Variants in LINGO3 observed in about 807,000 individuals in gnomAD.
LINGO3 encodes the protein leucine rich repeat and Ig domain containing 3, also known as leucine-rich repeat and immunoglobulin-like domain-containing nogo receptor-interacting protein 3.
For missense variants in LINGO3, 750 were observed against 867.7 expected, an observed-to-expected ratio of 0.86 and a Z score of 1.70; for synonymous variants, 427 against 444.2, an observed-to-expected ratio of 0.96 and a Z score of 0.49.
At chr19:2,299,300 G>A in the LINGO3 span, among the ~76,000 whole-genome samples, 1 of 152,190 alleles carries the variant, frequency 6.6e-6, no homozygotes, top group Non-Finnish European at 1.5e-5. Context: ...TCCCCAACTT[G>A]GGAGGAAGAA....
downstream of LINGO3, chr19:2,289,740 G>GCCCCCCCCCC: frequency 5.3e-6 from 1 of 189,610 alleles, no homozygotes; most frequent in East Asian, 1.2e-4. Context: ...CTTGCAGCCC[G>GCCCCCCCCCC]CACCCCCACC....
chr19:2,305,604 AG>A, the LINGO3 span, among the ~76,000 whole-genome samples: 1 of 152,154 alleles, frequency 6.6e-6, no homozygotes, highest in East Asian at 1.9e-4. Flanking sequence ...GTCCCCGCCC[AG>A]GGCAAGGGAT....
chr19:2,305,168 G>C, the LINGO3 span, among the ~76,000 whole-genome samples: 1 of 152,144 alleles, frequency 6.6e-6, no homozygotes, highest in East Asian at 1.9e-4. Flanking sequence ...AGGCCTCCCG[G>C]ATCTGTGCAC....
downstream of LINGO3, among the ~76,000 whole-genome samples, chr19:2,288,033 G>C (rs1292094982): frequency 6.6e-6 from 1 of 152,206 alleles, no homozygotes; most frequent in Non-Finnish European, 1.5e-5. The surrounding 1 kb of genome is among the most constrained non-coding windows in gnomAD (Gnocchi z 6.5). Context: ...GGTCACAGAT[G>C]GTCCCTGTGG....
chr19:2,302,023 C>T, the LINGO3 span, among the ~76,000 whole-genome samples: 1 of 149,352 alleles, frequency 6.7e-6, no homozygotes, highest in Non-Finnish European at 1.5e-5. Context: ...GCCAGAAAGT[C>T]CCTGTTCTTT....
chr19:2,296,382 A>G (rs975819121), upstream of LINGO3, among the ~76,000 whole-genome samples: 3 of 152,178 alleles, frequency 2.0e-5, no homozygotes, highest in African/African-American at 7.2e-5. Flanking sequence ...TGGGAGGCCA[A>G]GGCGGGGGGA....
chr19:2,290,757 C>G lies in LINGO3; in HGVS notation c.1020G>C (p.Ser340=). ...CGCGCAGCGTCTCTAGCGTGTTCAC[C>G]GAGTGGAAGGTGCTCTCCTCCAACG... The change falls in exon 1 of 1, where the codon TCG becomes TCC. Residue 340 remains serine (S), a synonymous_variant. Coordinates refer to ENST00000585527, the Ensembl canonical transcript of LINGO3. The surrounding 1 kb of genome is among the most constrained non-coding windows in gnomAD (Gnocchi z 6.0). 1 of 1,612,886 alleles carries G rather than the reference C, an allele frequency of 6.2e-7. No individual in the cohort carries two copies. Among genetic ancestry groups the G allele is most frequent in the Non-Finnish European group, 8.5e-7 (1 of 1,179,634 alleles).
chr19:2,293,674 C>T (rs1000338618), upstream of LINGO3, among the ~76,000 whole-genome samples: 19 of 150,952 alleles, frequency 1.3e-4, no homozygotes, highest in Non-Finnish European at 5.9e-5. Context: ...GATCTCATTT[C>T]TATGAAATGT....
In LINGO3 at chr19:2,290,045, C is replaced by T. The variant is rs1285962827; in HGVS notation, c.1732G>A (p.Ala578Thr). ...TTGCGCGCGCCTCCCTGGCCCGCCG[C>T]GGCGGCCGGCCCATCCACCTTGCGG... is the stretch of plus-strand genomic sequence containing the variant. The change falls in exon 1 of 1, where the codon GCG becomes ACG. Residue 578 changes from alanine to threonine, a missense_variant. Coordinates refer to ENST00000585527, the Ensembl canonical transcript of LINGO3. The surrounding 1 kb of genome is among the most constrained non-coding windows in gnomAD (Gnocchi z 6.0). The T allele has an allele frequency of 4.5e-6, 7 of 1,550,762 alleles. No individual in the cohort carries two copies. In the East Asian group the frequency reaches 1.7e-4, roughly 38 times the overall value.
At chr19:2,291,715 G>C (rs774866588) in exon 1 of LINGO3, 23 of 1,339,240 alleles carry the variant, frequency 1.7e-5, no homozygotes, top group Admixed American at 8.1e-5. Context: ...GCCTCCAGCC[G>C]GGGGCGGCGC....
chr19:2,293,277 G>C (rs1386642136), upstream of LINGO3, among the ~76,000 whole-genome samples: 1 of 151,750 alleles, frequency 6.6e-6, no homozygotes, highest in African/African-American at 2.4e-5. Flanking sequence ...TGTTAGCCAG[G>C]ATGGTCTCGA....
the LINGO3 span, among the ~76,000 whole-genome samples, chr19:2,304,031 C>T: frequency 1.3e-5 from 2 of 152,350 alleles, no homozygotes; most frequent in Admixed American, 1.3e-4. Flanking sequence ...AAGGAGGTTC[C>T]TTCCGGGGAA....
At chr19:2,306,438 G>A in the LINGO3 span, among the ~76,000 whole-genome samples, 1 of 152,192 alleles carries the variant, frequency 6.6e-6, no homozygotes, top group African/African-American at 2.4e-5. Flanking sequence ...AGTGACTCAG[G>A]GGGCGCCGGG....
At chr19:2,291,742 A>G (rs933953673) in exon 1 of LINGO3, 1 of 1,354,148 alleles carries the variant, frequency 7.4e-7, no homozygotes, top group African/African-American at 1.6e-5. Context: ...CAGCAGGAGC[A>G]GGGGCAGGCT....
the LINGO3 span, among the ~76,000 whole-genome samples, chr19:2,303,640 A>G: frequency 6.6e-6 from 1 of 152,208 alleles, no homozygotes; most frequent in African/African-American, 2.4e-5. Flanking sequence ...TCTGGGTTGC[A>G]GTTGGAAGGC....
chr19:2,292,582 C>T (rs1436868976), upstream of LINGO3, among the ~76,000 whole-genome samples: 2 of 151,366 alleles, frequency 1.3e-5, no homozygotes, highest in African/African-American at 4.9e-5. Context: ...CTCCACCTCC[C>T]GGGTTCAAGC....
At chr19:2,298,641 A>G in the LINGO3 span, among the ~76,000 whole-genome samples, 70 of 151,604 alleles carry the variant, frequency 4.6e-4, no homozygotes, top group African/African-American at 1.5e-3. Flanking sequence ...CCTGGGTTCA[A>G]GAGATTCTGC....
chr19:2,296,904 T>C (rs62119711), upstream of LINGO3, among the ~76,000 whole-genome samples: 98,108 of 149,864 alleles, frequency 0.65, 35,290 homozygotes, highest in Non-Finnish European at 0.82. Context: ...CTGGCTAACA[T>C]GGTGAAACCC....
At chr19:2,291,893 C>G in exon 1 of LINGO3, 1 of 868,754 alleles carries the variant, frequency 1.2e-6, no homozygotes, top group Non-Finnish European at 1.8e-6. Context: ...GCCGCCAGCC[C>G]GCCCCTAACC....
Sources: allele counts gnomAD v4.1 joint callset (sites outside exome capture counted in the v4.1 genomes callset), GRCh38; gene constraint gnomAD v4.1.1; non-coding constraint Gnocchi (gnomAD v3.1); transcripts MANE v1.5; gene names NCBI Gene and HGNC (gene_info 2026-07-23, HGNC 2026-07-21).